Variants in ME1 observed in about 807,000 individuals in gnomAD.
ME1 encodes the protein malic enzyme 1.
A neutral mutation model predicts 66.4 loss-of-function variants in ME1; 74 were observed. The observed-to-expected ratio is 1.11, with a 90% CI of 0.92 to 1.35. The LOEUF (loss-of-function observed/expected upper bound fraction) is 1.35, where lower values mean the gene tolerates loss of function less well. Ranked by LOEUF, ME1 falls within the 40% of genes most tolerant of loss-of-function variation. The pLI is 0.00. For synonymous variants in ME1, 251 were observed against 235.6 expected, an observed-to-expected ratio of 1.07 and a Z score of -0.60; for missense variants, 750 against 694.1, an observed-to-expected ratio of 1.08 and a Z score of -0.90.
rs142122290 is a variant in ME1, at chr6:83,229,056, T to G, written c.1027-125A>C. The G allele has an allele frequency of 4.4e-5, 29 of 660,766 alleles. No homozygotes were observed. The African/African-American group carries it at 4.7e-4, about 11-fold the overall frequency. 40.9% of individuals were successfully genotyped at this position (660,766 alleles called of 1,614,324 possible). On this transcript the variant is annotated intron_variant, in intron 9 of 13. Coordinates refer to ENST00000369705, the MANE Select transcript of ME1 (RefSeq NM_002395.6). ...ATGTATGATGTGTTACAGCTATTCT[T>G]AAAATCTCTTCTTCAATTGTCAGAA... is the stretch of plus-strand genomic sequence containing the variant.
At chr6:83,323,928 C>T (rs1217965670) in intron 5 of ME1, among the ~76,000 whole-genome samples, 2 of 151,806 alleles carry the variant, frequency 1.3e-5, no homozygotes, top group Non-Finnish European at 2.9e-5. Flanking sequence ...ATTGACCCCA[C>T]AATTAGAGGG....
chr6:83,237,797 C>G lies in ME1; in HGVS notation c.946G>C (p.Ala316Pro). ...TTTGGTAAACCTTCTTTTTCCAAGGCCATCACAATCAGGTGTGCAATCCCT... is the reference window on the plus strand; with the variant it reads ...TTTGGTAAACCTTCTTTTTCCAAGGGCATCACAATCAGGTGTGCAATCCCT... ...ALGIAHLIVMALEKEGLPKEK... is the reference protein window; with the variant it reads ...ALGIAHLIVMPLEKEGLPKEK... The change falls in exon 9 of 14, where the codon GCC becomes CCC. Residue 316 changes from alanine (A) to proline (P), a missense_variant. Physicochemically the swap from Ala to Pro is conservative, Grantham distance 27. Coordinates refer to ENST00000369705, the MANE Select transcript of ME1 (RefSeq NM_002395.6). The G allele has an allele frequency of 6.2e-7, 1 of 1,607,842 alleles. No homozygotes were observed. Among genetic ancestry groups the G allele is most frequent in the Non-Finnish European group, 8.5e-7 (1 of 1,176,874 alleles).
chr6:83,428,354 G>A (rs147188331), intron 1 of ME1, among the ~76,000 whole-genome samples: 7 of 152,286 alleles, frequency 4.6e-5, no homozygotes, highest in African/African-American at 1.7e-4. Context: ...TAATAGAAAA[G>A]TGAAGAAAAT....
intron 12 of ME1, among the ~76,000 whole-genome samples, chr6:83,217,987 G>T (rs912319228): frequency 6.6e-6 from 1 of 152,186 alleles, no homozygotes; most frequent in African/African-American, 2.4e-5. Context: ...GATTAGTATT[G>T]CTCTACATAT....
intron 6 of ME1, among the ~76,000 whole-genome samples, chr6:83,307,263 A>G (rs2128537770): frequency 6.6e-6 from 1 of 152,196 alleles, no homozygotes; most frequent in East Asian, 1.9e-4. Context: ...AAATAGAAAT[A>G]GTTGGGATTT....
chr6:83,413,280 A>C (rs1390297348), intron 1 of ME1, among the ~76,000 whole-genome samples: 1 of 152,154 alleles, frequency 6.6e-6, no homozygotes, highest in Non-Finnish European at 1.5e-5. Flanking sequence ...CCAAAGTCCT[A>C]GGATTATTAC....
chr6:83,212,020 G>C lies in ME1; in HGVS notation c.1623C>G (p.Arg541=), dbSNP rs1407587246. 2 of 1,612,844 alleles carry C rather than the reference G, an allele frequency of 1.2e-6. No individual in the cohort carries two copies. Among genetic ancestry groups the C allele is most frequent in the African/African-American group, 1.3e-5 (1 of 74,870 alleles). Residue 541 remains arginine, a synonymous_variant, in exon 14 of 14, where the codon CGC becomes CGG. Coordinates refer to ENST00000369705, the MANE Select transcript of ME1 (RefSeq NM_002395.6). ...CATAATCAGTACTATACATCTGGGA[G>C]CGGACAAATGCTTCTTTGTTTTGCG... ...PEPQNKEAFV[R]SQMYSTDYDQ...
intron 3 of ME1, among the ~76,000 whole-genome samples, chr6:83,390,471 G>A (rs9449616): frequency 0.47 from 71,063 of 151,816 alleles, 18,496 homozygotes; most frequent in African/African-American, 0.69. Context: ...CATCATTCAC[G>A]CATCCACAAT....
chr6:83,270,577 T>C (rs1189837711), intron 6 of ME1, among the ~76,000 whole-genome samples: 4 of 152,072 alleles, frequency 2.6e-5, no homozygotes, highest in Non-Finnish European at 4.4e-5. Context: ...GGGCATTAAC[T>C]GGGATTTTGC....
chr6:83,218,838 T>G (rs1174160940), intron 12 of ME1, among the ~76,000 whole-genome samples: 2 of 152,170 alleles, frequency 1.3e-5, no homozygotes, highest in African/African-American at 4.8e-5. Context: ...AGTGCTAGCT[T>G]CAGAGAAAGA....
At chr6:83,214,057 T>C (rs901993884) in intron 13 of ME1, among the ~76,000 whole-genome samples, 1 of 152,226 alleles carries the variant, frequency 6.6e-6, no homozygotes, top group Non-Finnish European at 1.5e-5. Context: ...GCATTTTAAG[T>C]GTACAACTAA....
chr6:83,294,909 A>T (rs563919835), intron 6 of ME1, among the ~76,000 whole-genome samples: 4 of 152,198 alleles, frequency 2.6e-5, no homozygotes, highest in Non-Finnish European at 5.9e-5. Context: ...TGCTGCTTCC[A>T]AGTTGGAGAA....
In ME1 at chr6:83,298,931, G is replaced by GTTTTT. The variant is rs61055748; in HGVS notation, c.704+16374_704+16378dup. Among the ~76,000 whole-genome samples the GTTTTT allele has an allele frequency of 1.8e-3, 40 of 22,492 alleles. 4 individuals carry two copies. Among genetic ancestry groups the GTTTTT allele is most frequent in the Non-Finnish European group, 2.1e-3 (27 of 12,858 alleles). The allele number at this position is 22,492 out of a possible 152,430, so 14.8% of individuals were successfully genotyped here. ...TGCTGTTCCATTAGTCTATGTGTCT[G>GTTTTT]TTTTTTTTTTTTTTTTTTTTTTTTT... On this transcript the variant is annotated intron_variant, in intron 6 of 13. Coordinates refer to ENST00000369705, the MANE Select transcript of ME1 (RefSeq NM_002395.6).
intron 2 of ME1, among the ~76,000 whole-genome samples, chr6:83,406,462 GT>G (rs1011106189): frequency 2.0e-5 from 3 of 151,962 alleles, no homozygotes; most frequent in Non-Finnish European, 4.4e-5. Flanking sequence ...CTGATCCTGG[GT>G]TTTTTTCGTT....
chr6:83,323,368 A>G (rs1389310402), intron 5 of ME1, among the ~76,000 whole-genome samples: 1 of 152,198 alleles, frequency 6.6e-6, no homozygotes, highest in Non-Finnish European at 1.5e-5. Flanking sequence ...CAAACAGGAT[A>G]AAGAGTCAAT....
intron 6 of ME1, among the ~76,000 whole-genome samples, chr6:83,285,645 C>T (rs1767382846): frequency 6.6e-6 from 1 of 152,070 alleles, no homozygotes; most frequent in South Asian, 2.1e-4. Flanking sequence ...GGCATGGAGA[C>T]ACCTAGAGGA....
chr6:83,256,942 G>A (rs1048219034), intron 6 of ME1, among the ~76,000 whole-genome samples: 1 of 151,770 alleles, frequency 6.6e-6, no homozygotes, highest in African/African-American at 2.4e-5. Context: ...AACACAAGAA[G>A]AGAAAACCAA....
chr6:83,356,740 A>G (rs968022258), intron 3 of ME1, among the ~76,000 whole-genome samples: 2 of 136,670 alleles, frequency 1.5e-5, no homozygotes, highest in African/African-American at 5.3e-5. Flanking sequence ...AGTACATTAC[A>G]TAAAATTGTT....
chr6:83,393,231 T>A (rs1769659848), intron 3 of ME1: 4 of 1,135,258 alleles, frequency 3.5e-6, no homozygotes, highest in Non-Finnish European at 4.0e-6. Flanking sequence ...CCTGGGCTAC[T>A]CTGAGCACCA....
Sources: allele counts gnomAD v4.1 joint callset (sites outside exome capture counted in the v4.1 genomes callset), GRCh38; gene constraint gnomAD v4.1.1; transcripts MANE v1.5; gene names NCBI Gene and HGNC (gene_info 2026-07-23, HGNC 2026-07-21).